The following KIAA1217 variants were observed in gnomAD, a reference collection of about 807,000 sequenced individuals.
KIAA1217 encodes KIAA1217.
In KIAA1217, 88 loss-of-function variants were observed where a neutral mutation model predicts 163.9. That is an observed-to-expected ratio of 0.54 (90% CI 0.45 to 0.64). The LOEUF (loss-of-function observed/expected upper bound fraction) is 0.64, where lower values mean the gene tolerates loss of function less well. KIAA1217 is among the 30% of genes least tolerant of loss of function. The pLI is 0.00. For synonymous variants in KIAA1217, 903 were observed against 923.1 expected (o/e 0.98, Z 0.39); for missense variants, 2,372 against 2,475.0 (o/e 0.96, Z 0.88).
At chr10:23,875,824 T>C (rs1046634828) in intron 1 of KIAA1217, among the ~76,000 whole-genome samples, 1 of 151,732 alleles carries the variant, frequency 6.6e-6, no homozygotes, top group Non-Finnish European at 1.5e-5. Context: ...CTGGGAACCA[T>C]CATTCTAAGC....
At chr10:24,100,713 A>G (rs1197991365) in intron 2 of KIAA1217, among the ~76,000 whole-genome samples, 1 of 152,248 alleles carries the variant, frequency 6.6e-6, no homozygotes. Context: ...AAGGAAATCA[A>G]TTCTCATACT....
At chr10:24,182,267 C>G (rs181058545) in intron 2 of KIAA1217, among the ~76,000 whole-genome samples, 30 of 152,284 alleles carry the variant, frequency 2.0e-4, no homozygotes, top group Admixed American at 1.8e-3. Context: ...GAAACTCCGT[C>G]TCTACTAAAA....
chr10:23,742,134 C>T (rs1047043225), intron 1 of KIAA1217, among the ~76,000 whole-genome samples: 1 of 152,138 alleles, frequency 6.6e-6, no homozygotes, highest in Non-Finnish European at 1.5e-5. Context: ...GGAGATCAAG[C>T]TGATGGGAGT....
chr10:23,858,435 G>A (rs1326839275), intron 1 of KIAA1217, among the ~76,000 whole-genome samples: 1 of 149,924 alleles, frequency 6.7e-6, no homozygotes, highest in African/African-American at 2.5e-5. Context: ...TATATATGCT[G>A]TATATATATA....
At chr10:23,775,934 A>G (rs954292139) in intron 1 of KIAA1217, among the ~76,000 whole-genome samples, 2 of 152,196 alleles carry the variant, frequency 1.3e-5, no homozygotes, top group Admixed American at 1.3e-4. Context: ...AACTTCTATA[A>G]CTTCTATAAC....
At chr10:24,196,829 T>C (rs1253800481) in intron 2 of KIAA1217, among the ~76,000 whole-genome samples, 2 of 152,174 alleles carry the variant, frequency 1.3e-5, no homozygotes, top group African/African-American at 2.4e-5. Flanking sequence ...GCTGCTCCCC[T>C]GTAGCCTCCA....
At chr10:24,388,696 C>T (rs189585627) in intron 3 of KIAA1217, among the ~76,000 whole-genome samples, 206 of 148,304 alleles carry the variant, frequency 1.4e-3, no homozygotes, top group African/African-American at 4.7e-3. Context: ...CTACAAAGAA[C>T]TTAAACAAAT....
intron 2 of KIAA1217, among the ~76,000 whole-genome samples, chr10:24,298,655 G>A (rs547071441): frequency 7.9e-5 from 12 of 152,102 alleles, no homozygotes; most frequent in South Asian, 4.2e-4. Context: ...AAAATTAGCC[G>A]GGCATGGTAG....
At chr10:24,323,788 CGTGTGTGTGTGTGT>C (rs60528535) in intron 2 of KIAA1217, among the ~76,000 whole-genome samples, 274 of 144,298 alleles carry the variant, frequency 1.9e-3, no homozygotes, top group African/African-American at 4.6e-3. Context: ...GTTTTCTCTT[CGTGTGTGTGTGTGT>C]GTGTGTGTGT....
At chr10:24,442,287 C>T (rs1244618847) in intron 5 of KIAA1217, among the ~76,000 whole-genome samples, 1 of 152,180 alleles carries the variant, frequency 6.6e-6, no homozygotes, top group Non-Finnish European at 1.5e-5. Flanking sequence ...CCTCAGCTTC[C>T]TTCATTCCCT....
intron 2 of KIAA1217, among the ~76,000 whole-genome samples, chr10:24,112,975 A>G (rs1165110000): frequency 6.6e-6 from 1 of 152,086 alleles, no homozygotes; most frequent in Non-Finnish European, 1.5e-5. Context: ...GGAGTGAGAA[A>G]CCAAGGCCTG....
intron 20 of KIAA1217, 179 bp from the exon 21 acceptor site, chr10:24,545,648 A>G: frequency 7.0e-7 from 1 of 1,422,654 alleles, no homozygotes; most frequent in Non-Finnish European, 9.1e-7. Context: ...TTTGCTATGT[A>G]CATGGGGGGT....
chr10:24,393,524 T>C (rs1026519182), intron 3 of KIAA1217, among the ~76,000 whole-genome samples: 4 of 152,164 alleles, frequency 2.6e-5, no homozygotes, highest in African/African-American at 7.2e-5. Flanking sequence ...AGTCACTCTC[T>C]TGGGGGCTGT....
chr10:24,089,477 G>A (rs1201934998), intron 2 of KIAA1217, among the ~76,000 whole-genome samples: 1 of 125,876 alleles, frequency 7.9e-6, no homozygotes, highest in Non-Finnish European at 2.0e-5. Flanking sequence ...TTTGTATAAG[G>A]TGTAAGGAAG....
At chr10:23,728,134 A>G (rs896021211) in intron 1 of KIAA1217, among the ~76,000 whole-genome samples, 1 of 152,050 alleles carries the variant, frequency 6.6e-6, no homozygotes, top group Non-Finnish European at 1.5e-5. Context: ...TTATAGTAGA[A>G]TGTCTTTATA....
intron 2 of KIAA1217, among the ~76,000 whole-genome samples, chr10:24,166,458 C>G (rs937596559): frequency 6.6e-6 from 1 of 152,052 alleles, no homozygotes; most frequent in Admixed American, 6.6e-5. Context: ...AAAATAGGGG[C>G]CAGTCGTGGT....
chr10:24,502,467 G>C (rs1228633465), intron 9 of KIAA1217, among the ~76,000 whole-genome samples: 1 of 152,092 alleles, frequency 6.6e-6, no homozygotes, highest in Non-Finnish European at 1.5e-5. Flanking sequence ...TGACCCTTCA[G>C]GTCACGAATC....
At chr10:24,066,092 A>G (rs61308844) in intron 2 of KIAA1217, among the ~76,000 whole-genome samples, 4,000 of 152,204 alleles carry the variant, frequency 0.026, 166 homozygotes, top group African/African-American at 0.093. Flanking sequence ...TTGACTCTTT[A>G]TCCAATTTGC....
intron 2 of KIAA1217, among the ~76,000 whole-genome samples, chr10:24,148,689 G>A (rs2064457926): frequency 6.6e-6 from 1 of 152,150 alleles, no homozygotes; most frequent in South Asian, 2.1e-4. Context: ...CTCATCAGAA[G>A]CCTCACAGAT....
Sources: gnomAD v4.1 joint callset for allele counts (sites outside exome capture counted in the v4.1 genomes callset) on GRCh38, gnomAD v4.1.1 for gene constraint, MANE v1.5 for transcripts, NCBI Gene and HGNC (gene_info 2026-07-23, HGNC 2026-07-21) for gene names.